The following NSMAF variants were observed in gnomAD, a reference collection of about 807,000 sequenced individuals.
NSMAF encodes the protein protein FAN.
Under a neutral mutation model 134.9 loss-of-function variants are expected in NSMAF, and 90 were observed. The ratio of observed to expected loss-of-function variants is 0.67; its 90% CI spans 0.56 to 0.79. The LOEUF is 0.79. Among genes scored for constraint, NSMAF ranks in the 30% least tolerant of loss-of-function variants. The probability of loss-of-function intolerance (pLI) is 0.00; values close to 1 mark genes in which losing one functional copy is unlikely to be tolerated. For missense variants in NSMAF, 1,010 were observed against 1,119.0 expected (o/e 0.90, Z 1.39); for synonymous variants, 358 against 389.6 (o/e 0.92, Z 0.96).
intron 6 of NSMAF, among the ~76,000 whole-genome samples, chr8:58,629,060 G>A (rs1806999719): frequency 1.3e-5 from 2 of 152,040 alleles, no homozygotes; most frequent in African/African-American, 4.8e-5. Flanking sequence ...CTTAAATCTG[G>A]ATGTCCATCT....
Position 58,642,982 on chromosome 8 carries a change from A to C in NSMAF, c.149+2T>G. On this transcript the variant is annotated splice_donor_variant, in intron 2 of 30. Transcript: ENST00000038176. LOFTEE classifies it high-confidence loss of function. ...TCCAAGGAGATACCGAAGCTTCCTT[A>C]CCTTTCATGGTGACTGCCCTTGTGC... The C allele has an allele frequency of 6.2e-7, 1 of 1,608,546 alleles. No individual in the cohort carries two copies. The highest frequency in any genetic ancestry group is 8.5e-7 in the Non-Finnish European group (1 of 1,174,954).
At chr8:58,612,807 G>A (rs1005838155) in intron 9 of NSMAF, among the ~76,000 whole-genome samples, 1 of 152,074 alleles carries the variant, frequency 6.6e-6, no homozygotes, top group Admixed American at 6.6e-5. Flanking sequence ...CAGCATAGTA[G>A]GAATTTCCCC....
rs144552140 is a variant in NSMAF, at chr8:58,643,017, T to G, written c.116A>C (p.Asn39Thr). The change falls in exon 2 of 31, where the codon AAT becomes ACT. Residue 39 changes from asparagine (N) to threonine (T), a missense_variant. Physicochemically the swap from Asn to Thr is moderately conservative, Grantham distance 65 (BLOSUM62 0). Coordinates refer to ENST00000038176, the MANE Select transcript of NSMAF (RefSeq NM_003580.4). The stretch of plus-strand genomic sequence containing the variant: ...GTGACTGCCCTTGTGCAAAATGTGA[T>G]TGGCTCTATGCTGTTCAAAGTAGTA... The part of the protein sequence containing the change: ...EEYYFEQHRA[N>T]HILHKGSHHE... 1.2e-6 allele frequency: 2 copies of G among 1,614,010 alleles called. No individual in the cohort carries two copies. The highest frequency in any genetic ancestry group is 1.7e-5 in the Admixed American group (1 of 60,002).
intron 1 of NSMAF, among the ~76,000 whole-genome samples, chr8:58,655,645 C>T (rs1038430867): frequency 2.0e-5 from 3 of 152,142 alleles, no homozygotes; most frequent in African/African-American, 7.2e-5. Context: ...TTGCCTTTAA[C>T]GCCTGTAATC....
At position 58,599,787 on chromosome 8, in the gene NSMAF, C is replaced by A. The variant is rs1314555237; in HGVS notation, c.1416G>T (p.Gln472His). 5 of 1,614,124 alleles carry A rather than the reference C, an allele frequency of 3.1e-6. No individual in the cohort carries two copies. Among genetic ancestry groups the A allele is most frequent in the Non-Finnish European group, 4.2e-6 (5 of 1,179,948 alleles). The change falls in exon 18 of 31, where the codon CAG becomes CAT. Residue 472 changes from glutamine to histidine, a missense_variant. Coordinates refer to ENST00000038176, the MANE Select transcript of NSMAF (RefSeq NM_003580.4). The part of the protein sequence containing the change: ...KLDLGKRQGG[Q>H]MVDDVELPPW... The stretch of plus-strand genomic sequence containing the variant: ...GGGGAAGCTCCACGTCGTCAACCAT[C>A]TGTCCTCCTTGTCTCTTTCCCAAAT...
intron 1 of NSMAF, among the ~76,000 whole-genome samples, chr8:58,653,503 A>T (rs1265070710): frequency 6.6e-6 from 1 of 152,128 alleles, no homozygotes; most frequent in Non-Finnish European, 1.5e-5. Flanking sequence ...ATCCCATACA[A>T]AGCAAATAAC....
At chr8:58,585,365 C>CTAT (rs1455196856) in intron 30 of NSMAF, among the ~76,000 whole-genome samples, 3 of 148,714 alleles carry the variant, frequency 2.0e-5, no homozygotes, top group Non-Finnish European at 4.4e-5. Flanking sequence ...TAAGATCATG[C>CTAT]TATTACCTTT....
intron 1 of NSMAF, among the ~76,000 whole-genome samples, chr8:58,643,748 C>G (rs1807385165): frequency 6.6e-6 from 1 of 152,122 alleles, no homozygotes. Flanking sequence ...TAAGGCTGGT[C>G]TCGAACTCCC....
At chr8:58,639,457 T>C (rs1403712397) in intron 2 of NSMAF, among the ~76,000 whole-genome samples, 1 of 152,114 alleles carries the variant, frequency 6.6e-6, no homozygotes, top group Non-Finnish European at 1.5e-5. Flanking sequence ...AAGATAACAG[T>C]TGTTGGCAAG....
intron 2 of NSMAF, among the ~76,000 whole-genome samples, chr8:58,640,311 A>G (rs1047789286): frequency 6.6e-6 from 1 of 152,226 alleles, no homozygotes. Context: ...CCCTAAATAT[A>G]TACAATTTTT....
Position 58,598,243 on chromosome 8 carries a change from G to A in NSMAF, c.1586-341C>T, listed in dbSNP as rs1380710505. On this transcript the variant is annotated intron_variant, in intron 19 of 30. Coordinates refer to ENST00000038176, the MANE Select transcript of NSMAF (RefSeq NM_003580.4). ...CCTTGTTATGAACATGGGCGATATG[G>A]ATTATATGTGAGTTCATTTATTAAA... Among the ~76,000 whole-genome samples, 3 of 152,032 alleles carry A rather than the reference G, an allele frequency of 2.0e-5. No homozygotes were observed. The East Asian group carries it at 5.8e-4, about 29-fold the overall frequency.
chr8:58,597,360 C>CA (rs1279008911), intron 21 of NSMAF, 27 bp downstream of exon 21: 1 of 1,595,960 alleles, frequency 6.3e-7, no homozygotes, highest in Admixed American at 1.7e-5. Context: ...AAAAGGTGCT[C>CA]ACGTTTATTC....
chr8:58,623,806 A>C (rs369476342), intron 6 of NSMAF, 26 bp from the exon 7 acceptor site: 52 of 1,573,592 alleles, frequency 3.3e-5, no homozygotes, highest in Non-Finnish European at 4.1e-5. Context: ...AGATATCAAA[A>C]TACAGGAAGA....
intron 1 of NSMAF, among the ~76,000 whole-genome samples, chr8:58,648,018 G>T (rs1183189440): frequency 6.6e-6 from 1 of 152,198 alleles, no homozygotes; most frequent in Non-Finnish European, 1.5e-5. Context: ...TCAGAGACTG[G>T]TTAAATGGTT....
intron 1 of NSMAF, among the ~76,000 whole-genome samples, chr8:58,657,598 C>T (rs1280428270): frequency 6.6e-6 from 1 of 152,192 alleles, no homozygotes; most frequent in African/African-American, 2.4e-5. Context: ...AAAAGAGACT[C>T]CTTGATTCCA....
At chr8:58,659,341 C>T (rs1366145555) in intron 1 of NSMAF, 4 of 1,527,314 alleles carry the variant, frequency 2.6e-6, no homozygotes, top group Admixed American at 4.0e-5. Context: ...TGGCCTGGCC[C>T]GTCATCCAGT....
chr8:58,586,308 A>C, intron 28 of NSMAF, 150 bp downstream of exon 28: 1 of 743,606 alleles, frequency 1.3e-6, no homozygotes, highest in Non-Finnish European at 2.2e-6. Context: ...CCCTGGCATA[A>C]AGCAGTGTTA....
chr8:58,635,094 T>C (rs1807138756), intron 5 of NSMAF, 95 bp downstream of exon 5: 3 of 919,556 alleles, frequency 3.3e-6, no homozygotes, highest in South Asian at 1.5e-5. Flanking sequence ...TTCTATTCCA[T>C]GGTCTTCATC....
chr8:58,610,292 A>C (rs1469667155), intron 9 of NSMAF, among the ~76,000 whole-genome samples: 1 of 152,232 alleles, frequency 6.6e-6, no homozygotes. Flanking sequence ...AAAATATTTA[A>C]TCAACAAAGT....
Sources: gnomAD v4.1 joint callset for allele counts (sites outside exome capture counted in the v4.1 genomes callset) on GRCh38, gnomAD v4.1.1 for gene constraint, MANE v1.5 for transcripts, NCBI Gene and HGNC (gene_info 2026-07-23, HGNC 2026-07-21) for gene names.